TRAK2: variants seen among roughly 807,000 people sequenced by gnomAD.
The protein encoded by TRAK2 is trafficking kinesin-binding protein 2.
TRAK2 carries 81 observed loss-of-function variants against 104.6 expected under a neutral mutation model. The ratio of observed to expected loss-of-function variants is 0.77; its 90% CI spans 0.65 to 0.93. The LOEUF is 0.93. Ranked by LOEUF, TRAK2 falls within the 40% of genes least tolerant of loss-of-function variation. The pLI is 0.00. For synonymous variants in TRAK2, 406 were observed against 394.4 expected, an observed-to-expected ratio of 1.03 and a Z score of -0.35; for missense variants, 1,002 against 1,089.0, an observed-to-expected ratio of 0.92 and a Z score of 1.12.
chr2:201,425,604 T>C (rs1951780635), intron 1 of TRAK2, among the ~76,000 whole-genome samples: 1 of 152,170 alleles, frequency 6.6e-6, no homozygotes, highest in Admixed American at 6.5e-5. Flanking sequence ...TTTCACCATG[T>C]TGGCCAAATT....
At chr2:201,407,287 A>C in intron 3 of TRAK2, 116 bp downstream of exon 3, 1 of 830,402 alleles carries the variant, frequency 1.2e-6, no homozygotes, top group Non-Finnish European at 1.9e-6. Flanking sequence ...AGTTCAAATA[A>C]AAGTAGGTAT....
rs1267943045 is a variant in TRAK2, at chr2:201,407,613, T to C, written c.92-16A>G. On this transcript the variant is annotated splice_polypyrimidine_tract_variant and intron_variant, in intron 2 of 15. Coordinates refer to ENST00000332624, the MANE Select transcript of TRAK2 (RefSeq NM_015049.3). ...GAGCAGACATCTAAAGAGGAGAGTC[T>C]ATGTAAATGAATCCAATATATTTCA... The C allele has an allele frequency of 2.5e-6, 4 of 1,586,646 alleles. No individual in the cohort carries two copies. Among genetic ancestry groups the C allele is most frequent in the Non-Finnish European group, 3.4e-6 (4 of 1,168,022 alleles).
chr2:201,389,854 C>A lies in TRAK2; in HGVS notation c.1140G>T (p.Gly380=), dbSNP rs746562098. The change falls in exon 11 of 16, where the codon GGG becomes GGT. Residue 380 remains glycine, a synonymous_variant. Transcript: ENST00000332624. ...TGESLAAEIE[G]TMRKKLSLDE... ...CCAAACTCAGCTTTTTACGCATAGT[C>A]CCCTCAATCTCAGCTGCCAAAGATT... The A allele has an allele frequency of 3.7e-6, 6 of 1,613,416 alleles. No individual in the cohort carries two copies. In the South Asian group the frequency reaches 6.6e-5, roughly 18 times the overall value.
intron 1 of TRAK2, among the ~76,000 whole-genome samples, chr2:201,429,897 A>C (rs1188809958): frequency 6.6e-6 from 1 of 152,176 alleles, no homozygotes; most frequent in African/African-American, 2.4e-5. Flanking sequence ...TGGCGAGGAG[A>C]TGCATTCCTT....
chr2:201,402,692 T>C (rs1386909227), intron 3 of TRAK2, among the ~76,000 whole-genome samples: 1 of 152,170 alleles, frequency 6.6e-6, no homozygotes, highest in African/African-American at 2.4e-5. Context: ...TCTCCTTTAC[T>C]TCTGGTCTCA....
intron 1 of TRAK2, among the ~76,000 whole-genome samples, chr2:201,423,040 CACACACA>C (rs544293689): frequency 0.015 from 1,267 of 83,142 alleles, 27 homozygotes; most frequent in African/African-American, 0.065. Flanking sequence ...ACCACCACCA[CACACACA>C]CACACACACA....
chr2:201,401,371 G>T (rs1378654430), intron 3 of TRAK2, among the ~76,000 whole-genome samples: 2 of 152,014 alleles, frequency 1.3e-5, no homozygotes, highest in African/African-American at 2.4e-5. Context: ...TCCTCCCCTG[G>T]TAAGACAGGA....
At chr2:201,421,612 C>G (rs1446865920) in intron 1 of TRAK2, among the ~76,000 whole-genome samples, 5 of 152,030 alleles carry the variant, frequency 3.3e-5, no homozygotes, top group Non-Finnish European at 5.9e-5. Context: ...ACTGATAAAA[C>G]AGATGCTCAA....
chr2:201,429,755 C>A (rs1951824937), intron 1 of TRAK2, among the ~76,000 whole-genome samples: 1 of 152,118 alleles, frequency 6.6e-6, no homozygotes, highest in Non-Finnish European at 1.5e-5. Context: ...TTCTAGTTAG[C>A]CATTTGTCTA....
At chr2:201,395,031 C>T in intron 8 of TRAK2, 159 bp from the exon 9 acceptor site, 1 of 688,112 alleles carries the variant, frequency 1.5e-6, no homozygotes, top group South Asian at 2.0e-5. Flanking sequence ...CATTCGAATA[C>T]AAAATCTATC....
At chr2:201,394,302 T>C (rs1258814471) in intron 9 of TRAK2, among the ~76,000 whole-genome samples, 3 of 151,940 alleles carry the variant, frequency 2.0e-5, no homozygotes, top group South Asian at 2.1e-4. Context: ...ACCACGTTAC[T>C]AGTTTTAGGG....
intron 1 of TRAK2, among the ~76,000 whole-genome samples, chr2:201,431,850 T>C (rs1478621040): frequency 6.6e-6 from 1 of 152,208 alleles, no homozygotes; most frequent in Non-Finnish European, 1.5e-5. Flanking sequence ...ACAAATTACT[T>C]GACCTCATTT....
chr2:201,442,214 C>T (rs1196274526), intron 1 of TRAK2, among the ~76,000 whole-genome samples: 4 of 150,884 alleles, frequency 2.7e-5, no homozygotes, highest in Admixed American at 6.6e-5. Flanking sequence ...CACAGTGAAA[C>T]CCCCGTCTCT....
chr2:201,384,232 AG>A lies in TRAK2; in HGVS notation c.1964-17del. The A allele has an allele frequency of 6.3e-7, 1 of 1,589,422 alleles. No homozygotes were observed. The highest frequency in any genetic ancestry group is 8.6e-7 in the Non-Finnish European group (1 of 1,159,198). ...GCGGTTGCAACTGAAATAGATTTTT[AG>A]GGAGCAAATACAAGATTGAAAGTCT... On this transcript the variant is annotated splice_polypyrimidine_tract_variant and intron_variant, in intron 14 of 15. Coordinates refer to ENST00000332624, the MANE Select transcript of TRAK2 (RefSeq NM_015049.3).
intron 1 of TRAK2, among the ~76,000 whole-genome samples, chr2:201,424,280 A>G (rs995859617): frequency 1.3e-5 from 2 of 152,192 alleles, no homozygotes; most frequent in South Asian, 4.1e-4. Context: ...GGAACCAAAT[A>G]TCACCTGCTA....
At chr2:201,388,651 AG>A (rs2125642024) in intron 12 of TRAK2, among the ~76,000 whole-genome samples, 1 of 152,330 alleles carries the variant, frequency 6.6e-6, no homozygotes, top group South Asian at 2.1e-4. Context: ...CAGCAAGCTG[AG>A]TTGTGGGTAC....
At chr2:201,429,400 T>C (rs1250627637) in intron 1 of TRAK2, among the ~76,000 whole-genome samples, 1 of 152,246 alleles carries the variant, frequency 6.6e-6, no homozygotes, top group African/African-American at 2.4e-5. Flanking sequence ...TGAATTTGAA[T>C]GTTGGCCTGC....
At chr2:201,426,637 C>G (rs1176173789) in intron 1 of TRAK2, among the ~76,000 whole-genome samples, 1 of 152,126 alleles carries the variant, frequency 6.6e-6, no homozygotes, top group East Asian at 1.9e-4. Context: ...ATGGTTTAGT[C>G]TTAATTCTTG....
At chr2:201,450,285 C>T (rs1952016684) in intron 1 of TRAK2, among the ~76,000 whole-genome samples, 2 of 151,762 alleles carry the variant, frequency 1.3e-5, no homozygotes, top group African/African-American at 4.8e-5. Flanking sequence ...CGTGGTGGTG[C>T]GCGCCTGTAG....
Sources: allele counts gnomAD v4.1 joint callset (sites outside exome capture counted in the v4.1 genomes callset), GRCh38; gene constraint gnomAD v4.1.1; transcripts MANE v1.5; gene names NCBI Gene and HGNC (gene_info 2026-07-23, HGNC 2026-07-21).